The following PPP3CA variants were observed in gnomAD, a reference collection of about 807,000 sequenced individuals.
The protein encoded by PPP3CA is protein phosphatase 3 catalytic subunit alpha.
A neutral mutation model predicts 66.5 loss-of-function variants in PPP3CA; 14 were observed. The observed-to-expected ratio is 0.21, with a 90% CI of 0.14 to 0.33. The LOEUF (loss-of-function observed/expected upper bound fraction) is 0.33, where lower values mean the gene tolerates loss of function less well. PPP3CA is among the 10% of genes least tolerant of loss of function. The probability of loss-of-function intolerance (pLI) is 1.00; values close to 1 mark genes in which losing one functional copy is unlikely to be tolerated. For synonymous variants in PPP3CA, 232 were observed against 226.2 expected (o/e 1.03, Z -0.23); for missense variants, 317 against 639.5 (o/e 0.50, Z 5.44).
At chr4:101,098,217 A>G (rs1730285685) in intron 5 of PPP3CA, 150 bp downstream of exon 5, 1 of 847,796 alleles carries the variant, frequency 1.2e-6, no homozygotes, top group Non-Finnish European at 1.7e-6. Context: ...CTTTCTAGAT[A>G]AAAATTTAAC....
At chr4:101,269,655 T>C (rs893907352) in intron 1 of PPP3CA, among the ~76,000 whole-genome samples, 2 of 151,416 alleles carry the variant, frequency 1.3e-5, no homozygotes, top group Admixed American at 1.3e-4. Flanking sequence ...TTAATAGGCA[T>C]TCATTAAATA....
chr4:101,274,345 T>C (rs934534659), intron 1 of PPP3CA, among the ~76,000 whole-genome samples: 13 of 152,178 alleles, frequency 8.5e-5, no homozygotes, highest in African/African-American at 3.1e-4. Context: ...CTAACATAGA[T>C]GAGAAAATAT....
At chr4:101,055,449 C>T (rs554172835) in intron 10 of PPP3CA, among the ~76,000 whole-genome samples, 2 of 152,076 alleles carry the variant, frequency 1.3e-5, no homozygotes, top group Non-Finnish European at 2.9e-5. Flanking sequence ...GAAACAAAGA[C>T]CCTATTACAT....
chr4:101,301,980 T>C (rs764028306), intron 1 of PPP3CA, among the ~76,000 whole-genome samples: 12 of 151,946 alleles, frequency 7.9e-5, no homozygotes, highest in African/African-American at 1.2e-4. Context: ...CTAAAGAAAT[T>C]TGTTTCGAAG....
chr4:101,304,194 T>C lies in PPP3CA; in HGVS notation c.58+42545A>G, dbSNP rs139866614. ...TCAGGATATTTCAGTAATAGTCTCT[T>C]ATGTTTTTTCCTAATACTTTTTATT... On this transcript the variant is annotated intron_variant, in intron 1 of 13. Coordinates refer to ENST00000394854, the MANE Select transcript of PPP3CA (RefSeq NM_000944.5). Among the ~76,000 whole-genome samples the C allele has an allele frequency of 5.0e-3, 758 of 152,306 alleles. 5 individuals carry two copies. Among genetic ancestry groups the C allele is most frequent in the African/African-American group, 0.016 (680 of 41,586 alleles).
chr4:101,221,210 GT>G (rs1213005241), intron 1 of PPP3CA, among the ~76,000 whole-genome samples: 1 of 151,548 alleles, frequency 6.6e-6, no homozygotes, highest in African/African-American at 2.4e-5. Flanking sequence ...GTTAAATTTT[GT>G]GATAGAAAGA....
At chr4:101,323,254 G>A (rs570425914) in intron 1 of PPP3CA, among the ~76,000 whole-genome samples, 38 of 152,224 alleles carry the variant, frequency 2.5e-4, no homozygotes, top group East Asian at 5.8e-4. Flanking sequence ...CAAATAGAGC[G>A]AAACTATAAA....
At chr4:101,126,912 T>G (rs1411282567) in intron 2 of PPP3CA, among the ~76,000 whole-genome samples, 1 of 152,134 alleles carries the variant, frequency 6.6e-6, no homozygotes, top group Non-Finnish European at 1.5e-5. Context: ...AAGATGCCAT[T>G]TATCCCATGT....
At chr4:101,325,937 G>A (rs536799196) in intron 1 of PPP3CA, among the ~76,000 whole-genome samples, 104 of 152,198 alleles carry the variant, frequency 6.8e-4, no homozygotes, top group African/African-American at 2.4e-3. Flanking sequence ...TCAGGAGTTC[G>A]AGACCAGCCT....
chr4:101,340,348 A>G (rs1729775230), intron 1 of PPP3CA, among the ~76,000 whole-genome samples: 1 of 152,194 alleles, frequency 6.6e-6, no homozygotes, highest in Admixed American at 6.5e-5. Flanking sequence ...GATGGTCTCA[A>G]AAAGAATCTA....
intron 1 of PPP3CA, among the ~76,000 whole-genome samples, chr4:101,263,307 A>G (rs542999643): frequency 6.6e-6 from 1 of 152,188 alleles, no homozygotes; most frequent in Non-Finnish European, 1.5e-5. Context: ...GTTTACACAA[A>G]AAACTACTGC....
intron 11 of PPP3CA, among the ~76,000 whole-genome samples, chr4:101,032,628 TAAAG>T (rs369221958): frequency 1.3e-4 from 20 of 152,268 alleles, no homozygotes; most frequent in East Asian, 5.8e-4. Context: ...GCTAGATAGA[TAAAG>T]AAAACCATTT....
At chr4:101,145,200 T>C (rs1296886887) in intron 2 of PPP3CA, among the ~76,000 whole-genome samples, 1 of 152,200 alleles carries the variant, frequency 6.6e-6, no homozygotes, top group African/African-American at 2.4e-5. Flanking sequence ...GAATGTAAAT[T>C]AGTACAACCA....
chr4:101,333,276 T>G lies in PPP3CA; in HGVS notation c.58+13463A>C, dbSNP rs905000631. Among the ~76,000 whole-genome samples, 12 of 33,678 alleles carry G rather than the reference T, an allele frequency of 3.6e-4. No individual in the cohort carries two copies. The African/African-American group carries it at 5.9e-3, about 17-fold the overall frequency. The allele number at this position is 33,678 out of a possible 152,430, so 22.1% of individuals were successfully genotyped here. On this transcript the variant is annotated intron_variant, in intron 1 of 13. Coordinates refer to ENST00000394854, the MANE Select transcript of PPP3CA (RefSeq NM_000944.5). ...GCATGCACTACCATGCCCAGTTTTT[T>G]TTTTTTTTTTTTTTTTTTTTTTTTT...
intron 10 of PPP3CA, among the ~76,000 whole-genome samples, chr4:101,054,759 G>A (rs903424543): frequency 1.3e-5 from 2 of 151,916 alleles, no homozygotes; most frequent in African/African-American, 4.8e-5. Context: ...GACATAGATG[G>A]TTTCATAGAG....
chr4:101,275,777 T>C (rs191306531), intron 1 of PPP3CA, among the ~76,000 whole-genome samples: 448 of 152,322 alleles, frequency 2.9e-3, no homozygotes, highest in Middle Eastern at 0.01. Flanking sequence ...AAGCTTGTTA[T>C]GTGCAAGGTC....
chr4:101,314,035 A>G (rs1728804774), intron 1 of PPP3CA, among the ~76,000 whole-genome samples: 1 of 152,220 alleles, frequency 6.6e-6, no homozygotes, highest in South Asian at 2.1e-4. Flanking sequence ...GAGTCTGTCA[A>G]ATAATTTTAA....
intron 11 of PPP3CA, among the ~76,000 whole-genome samples, chr4:101,033,851 C>T (rs1727122816): frequency 6.6e-6 from 1 of 152,170 alleles, no homozygotes; most frequent in Non-Finnish European, 1.5e-5. Flanking sequence ...TTGGACATTT[C>T]ATATAAATAA....
chr4:101,324,902 G>T (rs915339130), intron 1 of PPP3CA, among the ~76,000 whole-genome samples: 7 of 152,168 alleles, frequency 4.6e-5, no homozygotes, highest in Non-Finnish European at 1.0e-4. Context: ...TGATTTACAA[G>T]TTGAAATGTT....
Sources: allele counts gnomAD v4.1 joint callset (sites outside exome capture counted in the v4.1 genomes callset), GRCh38; gene constraint gnomAD v4.1.1; transcripts MANE v1.5; gene names NCBI Gene and HGNC (gene_info 2026-07-23, HGNC 2026-07-21).